ANKRD6: variants seen among roughly 807,000 people sequenced by gnomAD.
The protein encoded by ANKRD6 is ankyrin repeat domain 6.
A neutral mutation model predicts 82.3 loss-of-function variants in ANKRD6; 56 were observed. The observed-to-expected ratio is 0.68, with a 90% CI of 0.55 to 0.85. The LOEUF is 0.85. Among genes scored for constraint, ANKRD6 ranks in the 40% least tolerant of loss-of-function variants. The probability of loss-of-function intolerance (pLI) is 0.00; values close to 1 mark genes in which losing one functional copy is unlikely to be tolerated. For synonymous variants in ANKRD6, 347 were observed against 352.1 expected (o/e 0.99, Z 0.16); for missense variants, 852 against 907.6 (o/e 0.94, Z 0.79).
In ANKRD6 at chr6:89,623,938, G is replaced by C; in HGVS notation, c.1099G>C (p.Ala367Pro). ...GCCTGGACACCAGAAGAACCTGCAT[G>C]CTCATAATCACCCTAAAAAGAGGAA... Reference protein sequence around the residue: ...QQPGHQKNLHAHNHPKKRNRH... With the variant: ...QQPGHQKNLHPHNHPKKRNRH... The change falls in exon 12 of 16, where the codon GCT becomes CCT. Residue 367 changes from alanine to proline, a missense_variant. Ala to Pro is a conservative substitution (Grantham distance 27). Coordinates refer to ENST00000339746, the MANE Select transcript of ANKRD6 (RefSeq NM_001242809.2). The C allele has an allele frequency of 1.2e-6, 2 of 1,613,930 alleles. No individual in the cohort carries two copies. Among genetic ancestry groups the C allele is most frequent in the Non-Finnish European group, 1.7e-6 (2 of 1,179,876 alleles).
intron 2 of ANKRD6, among the ~76,000 whole-genome samples, chr6:89,580,269 A>C (rs1029473955): frequency 6.6e-6 from 1 of 151,678 alleles, no homozygotes; most frequent in African/African-American, 2.4e-5. Context: ...CAGAAGCTTC[A>C]AGAGGCTGAA....
At chr6:89,492,342 G>A (rs1173735756) in intron 1 of ANKRD6, among the ~76,000 whole-genome samples, 1 of 152,226 alleles carries the variant, frequency 6.6e-6, no homozygotes, top group African/African-American at 2.4e-5. Context: ...TTCCTTGTTT[G>A]TAGAGGATCA....
rs147662328 is a variant in ANKRD6 at position 89,558,109 on chromosome 6, G to T, written c.-143-8725G>T. Among the ~76,000 whole-genome samples, 209 of 152,258 alleles carry T rather than the reference G, an allele frequency of 1.4e-3. 1 individual carries two copies. The highest frequency in any genetic ancestry group is 4.9e-3 in the African/African-American group (203 of 41,534). On this transcript the variant is annotated intron_variant, in intron 1 of 15. Coordinates refer to ENST00000339746, the MANE Select transcript of ANKRD6 (RefSeq NM_001242809.2). ...TGGAAAAACTGTCTTCCATTAAACT[G>T]GTCTTTGGTGCCAAAAAGTTTGAGG...
chr6:89,609,023 C>T (rs1323056001), intron 5 of ANKRD6, among the ~76,000 whole-genome samples: 1 of 152,204 alleles, frequency 6.6e-6, no homozygotes, highest in Non-Finnish European at 1.5e-5. Context: ...TCATTCCTGC[C>T]TATAGACCTC....
At chr6:89,559,290 T>C (rs2128046942) in intron 1 of ANKRD6, among the ~76,000 whole-genome samples, 1 of 152,338 alleles carries the variant, frequency 6.6e-6, no homozygotes, top group African/African-American at 2.4e-5. Context: ...CTTTTTGCTC[T>C]TGCTGTTTCC....
chr6:89,545,130 G>A (rs1331259548), intron 1 of ANKRD6, among the ~76,000 whole-genome samples: 6 of 149,996 alleles, frequency 4.0e-5, no homozygotes, highest in South Asian at 2.1e-4. Context: ...GGAGAATGGC[G>A]TGAACCTGGG....
At chr6:89,465,120 A>ATTTTTT (rs1238834768) in intron 1 of ANKRD6, among the ~76,000 whole-genome samples, 1 of 138,770 alleles carries the variant, frequency 7.2e-6, no homozygotes, top group Non-Finnish European at 1.6e-5. Flanking sequence ...CATTGCTTTA[A>ATTTTTT]TTTTTTTTTT....
chr6:89,503,137 A>G (rs190848004), intron 1 of ANKRD6, among the ~76,000 whole-genome samples: 2 of 152,282 alleles, frequency 1.3e-5, no homozygotes, highest in Non-Finnish European at 2.9e-5. Flanking sequence ...ATTGGAAAAA[A>G]CTACTGAACT....
chr6:89,588,324 G>A (rs997221121), intron 2 of ANKRD6, among the ~76,000 whole-genome samples: 1 of 152,132 alleles, frequency 6.6e-6, no homozygotes, highest in African/African-American at 2.4e-5. Flanking sequence ...TTTTAGTAAT[G>A]TTACAACTTT....
At chr6:89,609,145 A>G (rs774905617) in intron 5 of ANKRD6, among the ~76,000 whole-genome samples, 8 of 152,066 alleles carry the variant, frequency 5.3e-5, no homozygotes, top group Non-Finnish European at 1.0e-4. Flanking sequence ...CATATTTTTC[A>G]TGGTTCCCTC....
intron 5 of ANKRD6, among the ~76,000 whole-genome samples, chr6:89,607,324 C>T (rs1798942884): frequency 1.8e-5 from 1 of 56,968 alleles, no homozygotes; most frequent in Admixed American, 2.4e-4. Flanking sequence ...TTCATGACAG[C>T]AGTAGTTATA....
At chr6:89,600,933 A>C (rs1023790236) in intron 3 of ANKRD6, among the ~76,000 whole-genome samples, 1 of 152,138 alleles carries the variant, frequency 6.6e-6, no homozygotes, top group Non-Finnish European at 1.5e-5. Flanking sequence ...GCTACTCTGG[A>C]GGCTGAGGCA....
At chr6:89,465,643 T>G (rs903271114) in intron 1 of ANKRD6, among the ~76,000 whole-genome samples, 3 of 151,918 alleles carry the variant, frequency 2.0e-5, no homozygotes, top group African/African-American at 7.3e-5. Context: ...GGAGGATTGC[T>G]TGAAGCCAAG....
chr6:89,600,881 TA>T (rs1237522161), intron 3 of ANKRD6, among the ~76,000 whole-genome samples: 1 of 148,816 alleles, frequency 6.7e-6, no homozygotes, highest in Non-Finnish European at 1.5e-5. Flanking sequence ...ACTAAAAATA[TA>T]AAAAAAAAAT....
intron 1 of ANKRD6, among the ~76,000 whole-genome samples, chr6:89,434,886 A>G (rs1289695336): frequency 6.6e-6 from 1 of 152,224 alleles, no homozygotes; most frequent in African/African-American, 2.4e-5. Context: ...CATACTGGAC[A>G]TGGGGGAAGG....
rs1306925261 is a variant in ANKRD6, at chr6:89,627,713, G to T, written c.1485+17G>T. The stretch of plus-strand genomic sequence containing the variant: ...AAACGACAGGTAGGAACCAGCATCT[G>T]CTAGTCCTTAACTTATGATTTACCA... On this transcript the variant is annotated intron_variant, in intron 14 of 15. Transcript: ENST00000339746. The T allele has an allele frequency of 1.2e-5, 20 of 1,610,678 alleles. No homozygotes were observed. Among genetic ancestry groups the T allele is most frequent in the Non-Finnish European group, 1.7e-5 (20 of 1,177,376 alleles).
intron 1 of ANKRD6, among the ~76,000 whole-genome samples, chr6:89,495,600 ACTTT>A (rs1372368493): frequency 1.3e-5 from 2 of 151,878 alleles, no homozygotes; most frequent in African/African-American, 4.8e-5. Flanking sequence ...GGGAAGCCCT[ACTTT>A]CTTAGTATTT....
intron 1 of ANKRD6, among the ~76,000 whole-genome samples, chr6:89,448,399 A>G (rs1194512370): frequency 6.6e-6 from 1 of 151,308 alleles, no homozygotes; most frequent in African/African-American, 2.4e-5. Context: ...GTGCCACTGC[A>G]CTACAGCCTG....
rs2127913572 is a variant in ANKRD6 at position 89,433,892 on chromosome 6, T to C, written c.-144+517T>C. 6.6e-6 allele frequency among the ~76,000 whole-genome samples: 1 copy of C among 152,320 alleles called. No individual in the cohort carries two copies. Among genetic ancestry groups the C allele is most frequent in the East Asian group, 1.9e-4 (1 of 5,168 alleles). ...ATCGGCGAAGCCTCAGCAAGTGGCA[T>C]CTCCCGGGGTCCAGAGAGTCGGCGT... On this transcript the variant is annotated intron_variant, in intron 1 of 15. Coordinates refer to ENST00000339746, the MANE Select transcript of ANKRD6 (RefSeq NM_001242809.2). This position sits in a 1 kb window ranked among gnomAD's most constrained non-coding sequence, Gnocchi z 4.3.
Sources: allele counts gnomAD v4.1 joint callset (sites outside exome capture counted in the v4.1 genomes callset), GRCh38; gene constraint gnomAD v4.1.1; non-coding constraint Gnocchi (gnomAD v3.1); transcripts MANE v1.5; gene names NCBI Gene and HGNC (gene_info 2026-07-23, HGNC 2026-07-21).